The following FILIP1L variants were observed in gnomAD, a reference collection of about 807,000 sequenced individuals.
FILIP1L encodes the protein filamin A-interacting protein 1-like.
Under a neutral mutation model 96.6 loss-of-function variants are expected in FILIP1L, and 55 were observed. The ratio of observed to expected loss-of-function variants is 0.57; its 90% CI spans 0.46 to 0.71. The LOEUF (loss-of-function observed/expected upper bound fraction) is 0.71, where lower values mean the gene tolerates loss of function less well. Among genes scored for constraint, FILIP1L ranks in the 30% least tolerant of loss-of-function variants. FILIP1L has a pLI of 0.00. For missense variants in FILIP1L, 1,304 were observed against 1,321.2 expected (o/e 0.99, Z 0.20); for synonymous variants, 467 against 473.9 (o/e 0.99, Z 0.19).
chr3:99,983,466 A>ATG (rs1276688981), intron 1 of FILIP1L, among the ~76,000 whole-genome samples: 119 of 6,082 alleles, frequency 0.02, 1 homozygote, highest in East Asian at 0.11. Context: ...ATATGTGTGT[A>ATG]TATATATATA....
Position 99,925,876 on chromosome 3 carries a change from G to A in FILIP1L, c.427-1468C>T, listed in dbSNP as rs954017144. The A allele has an allele frequency of 3.0e-6, 3 of 985,278 alleles. No individual in the cohort carries two copies. In the African/African-American group the frequency reaches 5.2e-5, roughly 17 times the overall value. The allele number at this position is 985,278 out of a possible 1,614,324, so 61.0% of individuals were successfully genotyped here. A position where few individuals can be genotyped will look rare whatever the true frequency, so the allele number is the denominator to read the frequency against. On this transcript the variant is annotated intron_variant, in intron 3 of 5. Transcript: ENST00000477258. Reference sequence around the variant, plus strand: ...TCACTGGGCTGGTTTATCAGCTCCTGGCCTTGAGCTCCATTTTGCCCAGCA... The same window carrying A: ...TCACTGGGCTGGTTTATCAGCTCCTAGCCTTGAGCTCCATTTTGCCCAGCA...
intron 1 of FILIP1L, among the ~76,000 whole-genome samples, chr3:100,065,518 CTAT>C (rs1384907171): frequency 6.6e-6 from 1 of 152,198 alleles, no homozygotes; most frequent in Non-Finnish European, 1.5e-5. Flanking sequence ...ATCCTAGAAA[CTAT>C]TGTCAACCAC....
chr3:100,064,576 C>A (rs938337322), intron 1 of FILIP1L, among the ~76,000 whole-genome samples: 3 of 152,150 alleles, frequency 2.0e-5, no homozygotes, highest in African/African-American at 7.2e-5. Flanking sequence ...ACTTTAAGAT[C>A]CTTTGGCTCT....
At chr3:100,024,471 G>T (rs2064881975) in intron 1 of FILIP1L, among the ~76,000 whole-genome samples, 1 of 152,078 alleles carries the variant, frequency 6.6e-6, no homozygotes, top group Non-Finnish European at 1.5e-5. Flanking sequence ...CTGAGAGTCA[G>T]TTTAAGTCAC....
intron 4 of FILIP1L, among the ~76,000 whole-genome samples, chr3:99,903,059 T>C (rs1706489112): frequency 1.3e-5 from 2 of 152,150 alleles, no homozygotes; most frequent in South Asian, 4.1e-4. Context: ...TGCCCATTTA[T>C]ACTTTTGTGT....
In FILIP1L at chr3:99,848,435, C is replaced by A; in HGVS notation, c.3241G>T (p.Ala1081Ser). ...MQAVASPVRP[A>S]SPSAPLQDNR... The stretch of plus-strand genomic sequence containing the variant: ...TCCTGCAGTGGTGCTGAAGGGCTGG[C>A]AGGTCTCACAGGGCTGGCTACAGCT... Residue 1081 changes from alanine (A) to serine (S), a missense_variant, in exon 5 of 6, where the codon GCC becomes TCC. Transcript: ENST00000477258. 6.2e-7 allele frequency: 1 copy of A among 1,614,170 alleles called. No homozygotes were observed. Among genetic ancestry groups the A allele is most frequent in the Non-Finnish European group, 8.5e-7 (1 of 1,180,012 alleles).
In FILIP1L at chr3:99,849,462, G is replaced by A; in HGVS notation, c.2214C>T (p.His738=). Residue 738 remains histidine, a synonymous_variant, in exon 5 of 6, where the codon CAC becomes CAT. Coordinates refer to ENST00000477258, the MANE Select transcript of FILIP1L (RefSeq NM_001387850.1). ...GCAGGACTGAGTGATCTCCCTGGAGGTGACATATTAGGTCTTCAGTTGCCA... is the reference window on the plus strand; with the variant it reads ...GCAGGACTGAGTGATCTCCCTGGAGATGACATATTAGGTCTTCAGTTGCCA... ...EYMATEDLIC[H]LQGDHSVLQK... is the part of the protein sequence containing the mutation. 6.2e-7 allele frequency: 1 copy of A among 1,613,994 alleles called. No individual in the cohort carries two copies. Among genetic ancestry groups the A allele is most frequent in the Non-Finnish European group, 8.5e-7 (1 of 1,179,990 alleles).
At chr3:99,957,807 C>T (rs996361070) in intron 1 of FILIP1L, among the ~76,000 whole-genome samples, 5 of 146,040 alleles carry the variant, frequency 3.4e-5, no homozygotes, top group African/African-American at 1.3e-4. Flanking sequence ...AGCTTTTTCA[C>T]ACATAGCTTG....
At chr3:100,108,521 C>G (rs1337083668) in intron 1 of FILIP1L, among the ~76,000 whole-genome samples, 2 of 152,104 alleles carry the variant, frequency 1.3e-5, no homozygotes, top group African/African-American at 4.8e-5. Flanking sequence ...AAAATCTATG[C>G]CCTTAGACAT....
intron 1 of FILIP1L, among the ~76,000 whole-genome samples, chr3:100,024,243 G>A (rs1437929547): frequency 1.3e-5 from 2 of 152,218 alleles, no homozygotes; most frequent in Non-Finnish European, 1.5e-5. Context: ...AGAAGCCTTG[G>A]TGTAGAGCCA....
chr3:100,021,954 TGTGTGTGAGAGAGA>T (rs1264742083), intron 1 of FILIP1L, among the ~76,000 whole-genome samples: 68 of 114,408 alleles, frequency 5.9e-4, no homozygotes, highest in African/African-American at 1.8e-3. Context: ...TGTGTGTGTG[TGTGTGTGAGAGAGA>T]GAGAGAGAGA....
chr3:100,092,885 C>A (rs963153728), intron 1 of FILIP1L, among the ~76,000 whole-genome samples: 2 of 151,384 alleles, frequency 1.3e-5, no homozygotes, highest in African/African-American at 2.4e-5. Flanking sequence ...GAGTTAACAG[C>A]GGGGACTTTC....
intron 1 of FILIP1L, among the ~76,000 whole-genome samples, chr3:100,066,770 A>T: frequency 1.1e-5 from 1 of 94,568 alleles, no homozygotes; most frequent in Non-Finnish European, 2.5e-5. Context: ...TGACCTCGTG[A>T]TCCGCCCGCC....
At chr3:99,949,898 G>T (rs1333182963) in intron 1 of FILIP1L, among the ~76,000 whole-genome samples, 2 of 152,198 alleles carry the variant, frequency 1.3e-5, no homozygotes, top group Admixed American at 6.5e-5. Flanking sequence ...AGCTGTGTGT[G>T]TGTTAGGGAG....
chr3:99,948,269 G>A lies in FILIP1L; in HGVS notation c.-10-17239C>T, dbSNP rs148841780. ...AGGCCAGGCATGGTGTCTCACACCC[G>A]ATCACTTGAGCCCCGGAGTTTGAGA... On this transcript the variant is annotated intron_variant, in intron 1 of 5. Coordinates refer to ENST00000477258, the MANE Select transcript of FILIP1L (RefSeq NM_001387850.1). Among the ~76,000 whole-genome samples the A allele has an allele frequency of 6.6e-4, 101 of 152,174 alleles. 1 individual carries two copies. Among genetic ancestry groups the A allele is most frequent in the Admixed American group, 1.6e-3 (24 of 15,294 alleles).
chr3:100,041,764 C>T (rs954839061), intron 1 of FILIP1L, among the ~76,000 whole-genome samples: 1 of 152,084 alleles, frequency 6.6e-6, no homozygotes, highest in African/African-American at 2.4e-5. Flanking sequence ...TTAGACCTAC[C>T]AGAGATCTTT....
At chr3:99,880,351 C>G (rs1705681821) in intron 4 of FILIP1L, among the ~76,000 whole-genome samples, 1 of 152,130 alleles carries the variant, frequency 6.6e-6, no homozygotes, top group African/African-American at 2.4e-5. Context: ...CTTTAACCAG[C>G]AGACCTTAAT....
intron 1 of FILIP1L, among the ~76,000 whole-genome samples, chr3:99,997,952 TCAAG>T (rs1709730824): frequency 6.6e-6 from 1 of 152,178 alleles, no homozygotes; most frequent in Non-Finnish European, 1.5e-5. Flanking sequence ...AGAATCAAGA[TCAAG>T]TTGAATAAAA....
chr3:99,859,262 T>C (rs1944121613), intron 4 of FILIP1L, among the ~76,000 whole-genome samples: 1 of 152,248 alleles, frequency 6.6e-6, no homozygotes, highest in African/African-American at 2.4e-5. Flanking sequence ...CTGTACTTGC[T>C]ATTTGTCAGT....
Sources: allele counts gnomAD v4.1 joint callset (sites outside exome capture counted in the v4.1 genomes callset), GRCh38; gene constraint gnomAD v4.1.1; transcripts MANE v1.5; gene names NCBI Gene and HGNC (gene_info 2026-07-23, HGNC 2026-07-21).